TMEM178A: variants seen among roughly 807,000 people sequenced by gnomAD.
TMEM178A encodes transmembrane protein 178.
In TMEM178A, 12 loss-of-function variants were observed where a neutral mutation model predicts 29.1. That is an observed-to-expected ratio of 0.41 (90% confidence interval 0.26 to 0.67). The LOEUF is 0.67. Ranked by LOEUF, TMEM178A falls within the 30% of genes least tolerant of loss-of-function variation. The pLI is 0.29. For missense variants in TMEM178A, 366 were observed against 419.1 expected (o/e 0.87, Z 1.11); for synonymous variants, 210 against 187.2 (o/e 1.12, Z -0.99).
chr2:39,692,941 G>A (rs565438821), intron 1 of TMEM178A, among the ~76,000 whole-genome samples: 5 of 152,228 alleles, frequency 3.3e-5, no homozygotes, highest in East Asian at 1.9e-4. Flanking sequence ...TTGGAAGCAC[G>A]CAGGCTTAAT....
intron 1 of TMEM178A, among the ~76,000 whole-genome samples, chr2:39,681,884 G>A (rs753049368): frequency 3.3e-5 from 5 of 152,200 alleles, no homozygotes; most frequent in Non-Finnish European, 7.3e-5. Flanking sequence ...ACTGCTGGTA[G>A]TTATCACCTG....
At chr2:39,706,516 T>C (rs540668264) in intron 2 of TMEM178A, among the ~76,000 whole-genome samples, 2 of 152,240 alleles carry the variant, frequency 1.3e-5, no homozygotes, top group Admixed American at 1.3e-4. Context: ...AAGTAAATAA[T>C]TGGCATCTGT....
At chr2:39,698,179 A>G (rs1424347485) in intron 1 of TMEM178A, among the ~76,000 whole-genome samples, 1 of 152,262 alleles carries the variant, frequency 6.6e-6, no homozygotes, top group East Asian at 1.9e-4. Context: ...TAGAAAACTA[A>G]GGACTGCTAA....
intron 3 of TMEM178A, among the ~76,000 whole-genome samples, chr2:39,709,261 C>G (rs1179946463): frequency 6.6e-6 from 1 of 152,226 alleles, no homozygotes; most frequent in Non-Finnish European, 1.5e-5. Context: ...CCTTCTAACT[C>G]CCACTCACCC....
chr2:39,685,029 C>G (rs1364137003), intron 1 of TMEM178A, among the ~76,000 whole-genome samples: 1 of 152,142 alleles, frequency 6.6e-6, no homozygotes, highest in East Asian at 1.9e-4. Context: ...CTAATCTGTT[C>G]TTCATGCAAG....
the TMEM178A span, among the ~76,000 whole-genome samples, chr2:39,726,315 G>A: frequency 6.6e-6 from 1 of 152,210 alleles, no homozygotes; most frequent in African/African-American, 2.4e-5. Context: ...CCTGAGCAAT[G>A]CAGGTGTCCT....
intron 1 of TMEM178A, among the ~76,000 whole-genome samples, chr2:39,684,727 G>T (rs1451047920): frequency 6.6e-6 from 1 of 152,030 alleles, no homozygotes; most frequent in Admixed American, 6.6e-5. Flanking sequence ...GGTCCCTGTC[G>T]ACCTTTCCTC....
In TMEM178A at chr2:39,707,032, G is replaced by A; in HGVS notation, c.515-17G>A. The A allele has an allele frequency of 6.3e-7, 1 of 1,591,738 alleles. No individual in the cohort carries two copies. Among genetic ancestry groups the A allele is most frequent in the Non-Finnish European group, 8.5e-7 (1 of 1,170,740 alleles). ...CTGAATTCTGATTGTGAATGTCTGT[G>A]TCTGTTTTGAGATTAGATTTAAGAA... On this transcript the variant is annotated splice_polypyrimidine_tract_variant and intron_variant, in intron 2 of 3. Coordinates refer to ENST00000281961, the MANE Select transcript of TMEM178A (RefSeq NM_152390.3).
chr2:39,677,871 G>A (rs1427798652), intron 1 of TMEM178A, among the ~76,000 whole-genome samples: 1 of 152,092 alleles, frequency 6.6e-6, no homozygotes, highest in Non-Finnish European at 1.5e-5. Flanking sequence ...TTTTAGCACA[G>A]AAGCCTCAGA....
intron 1 of TMEM178A, among the ~76,000 whole-genome samples, chr2:39,685,577 C>A (rs1671043311): frequency 6.6e-6 from 1 of 152,108 alleles, no homozygotes; most frequent in African/African-American, 2.4e-5. Context: ...ATAGGTGAGG[C>A]TCTTCAGTAA....
rs150005863 is a variant in TMEM178A at position 39,701,969 on chromosome 2, G to C, written c.401-2112G>C. Among the ~76,000 whole-genome samples, 339 of 152,154 alleles carry C rather than the reference G, an allele frequency of 2.2e-3. 1 individual carries two copies. The highest frequency in any genetic ancestry group is 7.2e-3 in the African/African-American group (300 of 41,534). Reference sequence around the variant, plus strand: ...ATCCTTTCCTTTAGTTATTTGGATAGGTTTTCTTTACTTCTTTGAACATAT... The same window carrying C: ...ATCCTTTCCTTTAGTTATTTGGATACGTTTTCTTTACTTCTTTGAACATAT... On this transcript the variant is annotated intron_variant, in intron 1 of 3. Coordinates refer to ENST00000281961, the MANE Select transcript of TMEM178A (RefSeq NM_152390.3).
chr2:39,706,901 G>T lies in TMEM178A; in HGVS notation c.515-148G>T. 4.7e-6 allele frequency: 4 copies of T among 849,676 alleles called. No individual in the cohort carries two copies. In the South Asian group the frequency reaches 5.7e-5, roughly 12 times the overall value. 52.6% of individuals were successfully genotyped at this position (849,676 alleles called of 1,614,324 possible). On this transcript the variant is annotated intron_variant, in intron 2 of 3. Coordinates refer to ENST00000281961, the MANE Select transcript of TMEM178A (RefSeq NM_152390.3). ...TCCTCTTATGGAATACCTGGGAAGA[G>T]TATTCCCTATGCCTCCTTGTCCTGT... is the stretch of plus-strand genomic sequence containing the variant.
intron 1 of TMEM178A, among the ~76,000 whole-genome samples, chr2:39,682,084 C>T (rs1280898055): frequency 2.0e-5 from 3 of 152,138 alleles, no homozygotes; most frequent in East Asian, 3.9e-4. Flanking sequence ...TAACAGTTTA[C>T]CTTTTTATTA....
At chr2:39,701,329 G>T (rs1019047865) in intron 1 of TMEM178A, among the ~76,000 whole-genome samples, 7 of 151,974 alleles carry the variant, frequency 4.6e-5, no homozygotes, top group African/African-American at 1.7e-4. Flanking sequence ...TAGGATTCTT[G>T]GTTGACAGTC....
chr2:39,672,670 A>G (rs1670454870), intron 1 of TMEM178A, among the ~76,000 whole-genome samples: 1 of 151,952 alleles, frequency 6.6e-6, no homozygotes, highest in Non-Finnish European at 1.5e-5. Context: ...AGCTGGGACT[A>G]CAGGTGTGTG....
the TMEM178A span, among the ~76,000 whole-genome samples, chr2:39,735,617 C>T: frequency 6.6e-6 from 1 of 152,212 alleles, no homozygotes; most frequent in Admixed American, 6.5e-5. Context: ...TTGCTTGAAA[C>T]CCCTCAGAGT....
At chr2:39,725,443 A>G in the TMEM178A span, among the ~76,000 whole-genome samples, 2 of 152,176 alleles carry the variant, frequency 1.3e-5, no homozygotes, top group Non-Finnish European at 2.9e-5. Context: ...ACATTCCAAT[A>G]TCACAAAGGA....
At chr2:39,718,556 G>A (rs1360674699), downstream of TMEM178A, among the ~76,000 whole-genome samples, 2 of 152,204 alleles carry the variant, frequency 1.3e-5, no homozygotes, top group African/African-American at 4.8e-5. Context: ...CACTTATTTA[G>A]CACTTACTAT....
chr2:39,719,121 C>G (rs1672650266), downstream of TMEM178A, among the ~76,000 whole-genome samples: 1 of 152,182 alleles, frequency 6.6e-6, no homozygotes, highest in African/African-American at 2.4e-5. Flanking sequence ...AGTGTATTCA[C>G]TGGCACTCTC....
Sources: gnomAD v4.1 joint callset for allele counts (sites outside exome capture counted in the v4.1 genomes callset) on GRCh38, gnomAD v4.1.1 for gene constraint, MANE v1.5 for transcripts, NCBI Gene and HGNC (gene_info 2026-07-23, HGNC 2026-07-21) for gene names.